Variants in INCENP observed in about 807,000 individuals in gnomAD.
INCENP encodes the protein inner centromere protein.
INCENP carries 43 observed loss-of-function variants against 107.3 expected under a neutral mutation model. The ratio of observed to expected loss-of-function variants is 0.40; its 90% CI spans 0.31 to 0.52. INCENP has a LOEUF of 0.52. INCENP is among the 20% of genes least tolerant of loss of function. INCENP has a pLI of 0.53. For missense variants in INCENP, 1,089 were observed against 1,250.9 expected (o/e 0.87, Z 1.95); for synonymous variants, 488 against 494.4 (o/e 0.99, Z 0.17).
At chr11:62,126,578 G>A (rs1943756086) in intron 1 of INCENP, among the ~76,000 whole-genome samples, 1 of 152,180 alleles carries the variant, frequency 6.6e-6, no homozygotes, top group Non-Finnish European at 1.5e-5. Context: ...TATGGCTTAT[G>A]ACCACCACCC....
chr11:62,149,912 T>G, intron 17 of INCENP, 145 bp from the exon 18 acceptor site: 1 of 750,108 alleles, frequency 1.3e-6, no homozygotes, highest in Non-Finnish European at 2.1e-6. Context: ...ACAGTGAGAT[T>G]CTGTCTCAAA....
At chr11:62,139,846 G>C (rs937886303) in intron 7 of INCENP, among the ~76,000 whole-genome samples, 3 of 152,196 alleles carry the variant, frequency 2.0e-5, no homozygotes, top group African/African-American at 7.2e-5. Flanking sequence ...TGGGGCTGCC[G>C]CCTCGACAGG....
chr11:62,148,739 G>T lies in INCENP; in HGVS notation c.2284G>T (p.Glu762Ter). 6.3e-7 allele frequency: 1 copy of T among 1,581,484 alleles called. No individual in the cohort carries two copies. Among genetic ancestry groups the T allele is most frequent in the South Asian group, 1.2e-5 (1 of 84,996 alleles). ...QRELEEKKKK[E>*]EQQRLAERQL... ...CACCCCATTGCCACCTGGGTTCCAG[G>T]AAGAGCAGCAGCGTCTGGCTGAGCG... The change falls in exon 17 of 19, where the codon GAA (glutamate) becomes TAA (stop). Residue 762 changes from glutamate (E) to a stop codon, truncating the protein, a stop_gained and splice_region_variant. Coordinates refer to ENST00000394818, the MANE Select transcript of INCENP (RefSeq NM_001040694.2). LOFTEE classifies it high-confidence loss of function.
intron 10 of INCENP, 29 bp from the exon 11 acceptor site, chr11:62,141,469 ACT>A: frequency 1.2e-6 from 2 of 1,613,112 alleles, no homozygotes; most frequent in Non-Finnish European, 1.7e-6. Flanking sequence ...CCTGGCATTA[ACT>A]CTTGCCTTTT....
intron 17 of INCENP, among the ~76,000 whole-genome samples, chr11:62,149,529 C>T (rs905815681): frequency 6.6e-5 from 10 of 152,018 alleles, no homozygotes; most frequent in Admixed American, 3.3e-4. Flanking sequence ...TAGTGGTTCC[C>T]AGGAGGATTC....
chr11:62,125,692 G>A (rs185207972), intron 1 of INCENP, among the ~76,000 whole-genome samples: 140 of 152,364 alleles, frequency 9.2e-4, no homozygotes, highest in African/African-American at 3.1e-3. Flanking sequence ...GTGGTGGGAT[G>A]AGCACCTATA....
intron 5 of INCENP, chr11:62,138,123 G>T: frequency 8.6e-6 from 5 of 584,298 alleles, no homozygotes; most frequent in Non-Finnish European, 9.2e-6. Context: ...ACCCTGGGGC[G>T]TGGGCTCCAG....
At chr11:62,144,347 A>C (rs1449293989) in intron 11 of INCENP, among the ~76,000 whole-genome samples, 1 of 151,932 alleles carries the variant, frequency 6.6e-6, no homozygotes, top group Non-Finnish European at 1.5e-5. Context: ...AAAAAAAAAA[A>C]AGAAAAAAAA....
Position 62,138,931 on chromosome 11 carries a change from CGGAGATTG to C in INCENP, c.1218_1225del (p.Glu407GlnfsTer50). On this transcript the variant is annotated frameshift_variant, in exon 7 of 19. Coordinates refer to ENST00000394818, the MANE Select transcript of INCENP (RefSeq NM_001040694.2). ...AATAACTCGTGGCCCCACAATGACA[CGGAGATTG>C]CCAACAGCACACCCAACCCGAAGCC... is the stretch of plus-strand genomic sequence containing the variant. 1.9e-6 allele frequency: 3 copies of C among 1,614,044 alleles called. No homozygotes were observed. Among genetic ancestry groups the C allele is most frequent in the Non-Finnish European group, 2.5e-6 (3 of 1,179,896 alleles).
intron 14 of INCENP, 121 bp from the exon 15 acceptor site, chr11:62,146,537 C>T: frequency 7.0e-7 from 1 of 1,437,220 alleles, no homozygotes; most frequent in Non-Finnish European, 9.3e-7. Context: ...CGGCGCCATT[C>T]CTGGGTTGTC....
chr11:62,138,639 T>A, intron 5 of INCENP, 74 bp from the exon 6 acceptor site: 1 of 1,436,492 alleles, frequency 7.0e-7, no homozygotes, highest in African/African-American at 1.4e-5. Flanking sequence ...ATCCCTGGAA[T>A]GGTAGAGGGA....
At position 62,145,723 on chromosome 11, in the gene INCENP, A is replaced by G; in HGVS notation, c.1931A>G (p.Glu644Gly). The G allele has an allele frequency of 6.4e-7, 1 of 1,556,292 alleles. No homozygotes were observed. The highest frequency in any genetic ancestry group is 8.7e-7 in the Non-Finnish European group (1 of 1,150,030). Residue 644 changes from glutamate (E) to glycine (G), a missense_variant, in exon 14 of 19, where the codon GAG becomes GGG. Transcript: ENST00000394818. ...EVEARRKQEE[E>G]ARRLRWLQQE... is the part of the protein sequence containing the mutation. ...GAAGCACGCAGGAAGCAGGAAGAGG[A>G]GGCACGTAGGCTCAGGTGGCTGCAG... is the stretch of plus-strand genomic sequence containing the variant.
In INCENP at chr11:62,151,992, T is replaced by C. The variant is rs1488596146; in HGVS notation, c.*16T>C. 1 of 1,591,170 alleles carries C rather than the reference T, an allele frequency of 6.3e-7. No individual in the cohort carries two copies. The highest frequency in any genetic ancestry group is 8.6e-7 in the Non-Finnish European group (1 of 1,167,432). On this transcript the variant is annotated 3_prime_UTR_variant, in exon 19 of 19. Coordinates refer to ENST00000394818, the MANE Select transcript of INCENP (RefSeq NM_001040694.2). Reference sequence around the variant, plus strand: ...GAAGCACTGAGGCTGGCCTGCGGCCTTCTTGGCAGCCTCGCCTCCTGTCCA... The same window carrying C: ...GAAGCACTGAGGCTGGCCTGCGGCCCTCTTGGCAGCCTCGCCTCCTGTCCA...
At chr11:62,128,529 G>A (rs1034504947) in intron 2 of INCENP, among the ~76,000 whole-genome samples, 1 of 152,248 alleles carries the variant, frequency 6.6e-6, no homozygotes, top group Non-Finnish European at 1.5e-5. Flanking sequence ...GTTGCTGGCT[G>A]GGCCTCTCAG....
intron 1 of INCENP, 81 bp from the exon 2 acceptor site, chr11:62,128,070 G>A: frequency 6.9e-7 from 1 of 1,441,910 alleles, no homozygotes; most frequent in Non-Finnish European, 9.6e-7. Context: ...TTGTGGGTCA[G>A]GTGGGTATTG....
chr11:62,139,040 G>C, intron 7 of INCENP, 35 bp downstream of exon 7: 1 of 1,484,358 alleles, frequency 6.7e-7, no homozygotes, highest in African/African-American at 1.4e-5. Context: ...GCAGTGCCCG[G>C]AGCCACAGCG....
intron 4 of INCENP, among the ~76,000 whole-genome samples, chr11:62,135,307 G>A (rs1565094527): frequency 6.6e-6 from 1 of 151,638 alleles, no homozygotes; most frequent in African/African-American, 2.4e-5. Context: ...TCACTCTGTC[G>A]CCCAGGCTGG....
intron 18 of INCENP, among the ~76,000 whole-genome samples, chr11:62,150,957 G>A (rs188845224): frequency 6.6e-6 from 1 of 152,322 alleles, no homozygotes; most frequent in East Asian, 1.9e-4. Flanking sequence ...GTTTTTGTGA[G>A]TTTCACCTCA....
rs145564710 is a variant in INCENP, at chr11:62,141,563, G to T, written c.1605+52G>T. On this transcript the variant is annotated intron_variant, in intron 11 of 18. Transcript: ENST00000394818. ...ACCTCGCCCCACCTAGCACTCACCC[G>T]CTGTAGCCCCTTCCCTGCGTAGCTG... 44 of 1,609,128 alleles carry T rather than the reference G, an allele frequency of 2.7e-5. No individual in the cohort carries two copies. The East Asian group carries it at 5.1e-4, about 19-fold the overall frequency.
Sources: gnomAD v4.1 joint callset for allele counts (sites outside exome capture counted in the v4.1 genomes callset) on GRCh38, gnomAD v4.1.1 for gene constraint, MANE v1.5 for transcripts, NCBI Gene and HGNC (gene_info 2026-07-23, HGNC 2026-07-21) for gene names.